The following ZNF841 variants were observed in gnomAD, a reference collection of about 807,000 sequenced individuals.
ZNF841 encodes TCONS_00006091.
Under a neutral mutation model 13.0 loss-of-function variants are expected in ZNF841, and 11 were observed. That is an observed-to-expected ratio of 0.85 (90% CI 0.53 to 1.40). The LOEUF (loss-of-function observed/expected upper bound fraction) is 1.40. Ranked by LOEUF, ZNF841 falls within the 40% of genes most tolerant of loss-of-function variation. The pLI is 0.00. For missense variants in ZNF841, 1,068 were observed against 1,139.5 expected, an observed-to-expected ratio of 0.94 and a Z score of 0.90; for synonymous variants, 369 against 381.6, an observed-to-expected ratio of 0.97 and a Z score of 0.38.
Position 52,065,409 on chromosome 19 carries a change from C to G in ZNF841, c.2473G>C (p.Glu825Gln), listed in dbSNP as rs1039636448. Residue 825 changes from glutamate (E) to glutamine (Q), a missense_variant, in exon 7 of 7, where the codon GAA becomes CAA. Transcript: ENST00000594440. Reference sequence around the variant, plus strand: ...CTTTCGATAAAAGCTTTACCACATTCATTACATTTATAAGGTTTCTCTCCA... The same window carrying G: ...CTTTCGATAAAAGCTTTACCACATTGATTACATTTATAAGGTTTCTCTCCA... ...HTGEKPYKCN[E>Q]CGKAFIERSN... The G allele has an allele frequency of 6.2e-7, 1 of 1,612,422 alleles. No individual in the cohort carries two copies. Among genetic ancestry groups the G allele is most frequent in the African/African-American group, 1.3e-5 (1 of 74,986 alleles).
intron 2 of ZNF841, among the ~76,000 whole-genome samples, chr19:52,089,380 C>T (rs2088395672): frequency 6.6e-6 from 1 of 152,150 alleles, no homozygotes; most frequent in South Asian, 2.1e-4. Flanking sequence ...TGATTGCTCA[C>T]CCCTGTAATC....
chr19:52,068,493 G>T (rs931123663), intron 6 of ZNF841, among the ~76,000 whole-genome samples: 4 of 152,018 alleles, frequency 2.6e-5, no homozygotes, highest in Non-Finnish European at 4.4e-5. Flanking sequence ...TGGCCAACAT[G>T]GTGAAATCTC....
chr19:52,084,545 A>T (rs545665478), intron 4 of ZNF841, among the ~76,000 whole-genome samples: 7 of 152,202 alleles, frequency 4.6e-5, no homozygotes, highest in Non-Finnish European at 8.8e-5. Context: ...GTCTCCATCC[A>T]TGTCTGGGTG....
At chr19:52,079,618 A>T (rs1323596353) in intron 4 of ZNF841, among the ~76,000 whole-genome samples, 2 of 152,158 alleles carry the variant, frequency 1.3e-5, no homozygotes, top group East Asian at 3.9e-4. Context: ...ATGTCTGAGC[A>T]GCAGCAAAGA....
Position 52,066,452 on chromosome 19 carries a change from C to T in ZNF841, c.1430G>A (p.Arg477Lys). 1.2e-6 allele frequency: 2 copies of T among 1,613,694 alleles called. No homozygotes were observed. Among genetic ancestry groups the T allele is most frequent in the Non-Finnish European group, 1.7e-6 (2 of 1,179,868 alleles). ...FQRSRLAGHR[R>K]IHTGEKPYKC... ...GTAGGGTTTCTCTCCAGTATGAATTCTCCGGTGCCCTGCAAGACGTGAACG... is the reference window on the plus strand; with the variant it reads ...GTAGGGTTTCTCTCCAGTATGAATTTTCCGGTGCCCTGCAAGACGTGAACG... The change falls in exon 7 of 7, where the codon AGA (arginine) becomes AAA (lysine). Residue 477 changes from arginine (R) to lysine (K), a missense_variant. Coordinates refer to ENST00000594440, the MANE Select transcript of ZNF841 (RefSeq NM_001136499.2).
chr19:52,066,485 A>G lies in ZNF841; in HGVS notation c.1397T>C (p.Phe466Ser), dbSNP rs1415529779. 6.2e-7 allele frequency: 1 copy of G among 1,613,978 alleles called. No individual in the cohort carries two copies. The highest frequency in any genetic ancestry group is 1.3e-5 in the African/African-American group (1 of 74,920). ...PYKCNECGKVFFQRSRLAGHR... is the reference protein window; with the variant it reads ...PYKCNECGKVSFQRSRLAGHR... ...CCCTGCAAGACGTGAACGTTGAAAGAAGACCTTGCCACATTCATTACATTT... is the reference window on the plus strand; with the variant it reads ...CCCTGCAAGACGTGAACGTTGAAAGGAGACCTTGCCACATTCATTACATTT... Residue 466 changes from phenylalanine (F) to serine (S), a missense_variant, in exon 7 of 7, where the codon TTC becomes TCC. Coordinates refer to ENST00000594440, the MANE Select transcript of ZNF841 (RefSeq NM_001136499.2).
intron 4 of ZNF841, among the ~76,000 whole-genome samples, chr19:52,079,015 C>A (rs1332391955): frequency 1.3e-5 from 2 of 151,898 alleles, no homozygotes; most frequent in Non-Finnish European, 2.9e-5. Flanking sequence ...ATGCTTGGGA[C>A]AATGAAAATG....
At chr19:52,059,313 G>A in the ZNF841 span, among the ~76,000 whole-genome samples, 23 of 131,056 alleles carry the variant, frequency 1.8e-4, no homozygotes, top group African/African-American at 6.6e-4. Flanking sequence ...TCGCGCCGCT[G>A]CACTCCAGCC....
At chr19:52,074,508 T>A (rs1489878110) in intron 6 of ZNF841, among the ~76,000 whole-genome samples, 2 of 152,232 alleles carry the variant, frequency 1.3e-5, no homozygotes, top group East Asian at 1.9e-4. Context: ...CTGGACAATG[T>A]TCTTCCCGGG....
In ZNF841 at chr19:52,095,580, A is replaced by G. The variant is rs1455980764; in HGVS notation, c.-275T>C. On this transcript the variant is annotated 5_prime_UTR_variant, in exon 1 of 7. Coordinates refer to ENST00000594440, the MANE Select transcript of ZNF841 (RefSeq NM_001136499.2). ...GAAGCAATTCTCCTACTTACTTGGGACGAAGGGGCTGTTGCGGGTATTTTA... is the reference window on the plus strand; with the variant it reads ...GAAGCAATTCTCCTACTTACTTGGGGCGAAGGGGCTGTTGCGGGTATTTTA... 2.0e-5 allele frequency: 3 copies of G among 152,510 alleles called. No homozygotes were observed. Among genetic ancestry groups the G allele is most frequent in the African/African-American group, 7.2e-5 (3 of 41,582 alleles). 9.4% of individuals were successfully genotyped at this position (152,510 alleles called of 1,614,324 possible).
intron 3 of ZNF841, among the ~76,000 whole-genome samples, chr19:52,086,278 G>A (rs988804952): frequency 2.6e-5 from 4 of 152,118 alleles, no homozygotes; most frequent in Non-Finnish European, 4.4e-5. Flanking sequence ...GATCATGGGG[G>A]TGGATTTGTG....
At chr19:52,071,126 T>C (rs1490412969) in intron 6 of ZNF841, among the ~76,000 whole-genome samples, 1 of 152,162 alleles carries the variant, frequency 6.6e-6, no homozygotes, top group Non-Finnish European at 1.5e-5. Context: ...ATGAGAATTA[T>C]ACTATGGGTG....
chr19:52,066,761 T>C lies in ZNF841; in HGVS notation c.1121A>G (p.Lys374Arg), dbSNP rs570001561. 64 of 1,613,460 alleles carry C rather than the reference T, an allele frequency of 4.0e-5. No homozygotes were observed. In the African/African-American group the frequency reaches 8.1e-4, roughly 20 times the overall value. ...QRIHTGEKPY[K>R]CNRCGKCFSQ... is the part of the protein sequence containing the mutation. ...AAAGCACTTCCCACATCGATTACAT[T>C]TGTAAGGTTTCTCTCCAGTATGAAT... is the stretch of plus-strand genomic sequence containing the variant. The change falls in exon 7 of 7, where the codon AAA becomes AGA. Residue 374 changes from lysine to arginine, a missense_variant. Physicochemically the swap from Lys to Arg is conservative, Grantham distance 26. Coordinates refer to ENST00000594440, the MANE Select transcript of ZNF841 (RefSeq NM_001136499.2).
At chr19:52,076,833 T>G in intron 5 of ZNF841, 125 bp downstream of exon 5, 2 of 1,206,978 alleles carry the variant, frequency 1.7e-6, no homozygotes, top group South Asian at 1.4e-5. Flanking sequence ...ATGAAGCTTT[T>G]TATTTGTGAA....
At chr19:52,076,852 G>T (rs998004633) in intron 5 of ZNF841, 106 bp downstream of exon 5, 4 of 1,373,070 alleles carry the variant, frequency 2.9e-6, no homozygotes, top group Non-Finnish European at 4.0e-6. Flanking sequence ...AATCAACAAG[G>T]CTTCAGTCTC....
chr19:52,083,004 C>G (rs1309749243), intron 4 of ZNF841, among the ~76,000 whole-genome samples: 1 of 150,968 alleles, frequency 6.6e-6, no homozygotes, highest in Admixed American at 6.6e-5. Flanking sequence ...GGTGTGAACC[C>G]GGGAGGCGGA....
chr19:52,065,707 C>A lies in ZNF841; in HGVS notation c.2175G>T (p.Val725=), dbSNP rs757639079. Residue 725 remains valine, a synonymous_variant, in exon 7 of 7, where the codon GTG becomes GTT. Transcript: ENST00000594440. Reference sequence around the variant, plus strand: ...CTCCAGTATGTCTTCTCTGATGGTACACCAGACTTGTTTTATGACTAAAAG... The same window carrying A: ...CTCCAGTATGTCTTCTCTGATGGTAAACCAGACTTGTTTTATGACTAAAAG... The part of the protein sequence containing the change: ...GRTFSHKTSL[V]YHQRRHTGEM... The A allele has an allele frequency of 6.2e-7, 1 of 1,603,502 alleles. No individual in the cohort carries two copies. Among genetic ancestry groups the A allele is most frequent in the Non-Finnish European group, 8.5e-7 (1 of 1,174,404 alleles).
chr19:52,059,016 A>T, the ZNF841 span: 1 of 153,490 alleles, frequency 6.5e-6, no homozygotes, highest in Non-Finnish European at 1.5e-5. Flanking sequence ...AACTTGGAGG[A>T]TCCATAAATC....
intron 4 of ZNF841, among the ~76,000 whole-genome samples, chr19:52,080,691 A>G (rs931740991): frequency 6.6e-6 from 1 of 152,236 alleles, no homozygotes; most frequent in Non-Finnish European, 1.5e-5. Flanking sequence ...AGCTTACTGT[A>G]GCACCAAAGT....
Sources: allele counts gnomAD v4.1 joint callset (sites outside exome capture counted in the v4.1 genomes callset), GRCh38; gene constraint gnomAD v4.1.1; transcripts MANE v1.5; gene names NCBI Gene and HGNC (gene_info 2026-07-23, HGNC 2026-07-21).